HACD1: variants seen among roughly 807,000 people sequenced by gnomAD.
The protein encoded by HACD1 is 3-hydroxyacyl-CoA dehydratase 1, also known as very-long-chain (3R)-3-hydroxyacyl-CoA dehydratase 1.
A neutral mutation model predicts 32.0 loss-of-function variants in HACD1; 41 were observed. The ratio of observed to expected loss-of-function variants is 1.28; its 90% confidence interval spans 1.00 to 1.66. The LOEUF (loss-of-function observed/expected upper bound fraction) is 1.66, where lower values mean the gene tolerates loss of function less well. Ranked by LOEUF, HACD1 falls within the 40% of genes most tolerant of loss-of-function variation. The pLI is 0.00. For missense variants in HACD1, 396 were observed against 380.1 expected (o/e 1.04, Z -0.35); for synonymous variants, 142 against 139.0 (o/e 1.02, Z -0.15).
intron 1 of HACD1, chr10:17,615,537 A>G (rs1201023017): frequency 6.5e-6 from 1 of 154,558 alleles, no homozygotes; most frequent in African/African-American, 2.4e-5. Flanking sequence ...AACCCTGGAG[A>G]AAGTTTAAAA....
intron 1 of HACD1, among the ~76,000 whole-genome samples, chr10:17,611,377 T>C (rs1372044609): frequency 1.3e-5 from 2 of 152,202 alleles, no homozygotes; most frequent in Non-Finnish European, 1.5e-5. Context: ...TCCCCACTTA[T>C]GCCTACTTAA....
chr10:17,609,155 G>GTTTTTTTTTTTTTT lies in HACD1; in HGVS notation c.258-5122_258-5109dup, dbSNP rs56347429. 7.2e-4 allele frequency among the ~76,000 whole-genome samples: 95 copies of GTTTTTTTTTTTTTT among 132,112 alleles called. 2 individuals are homozygous for GTTTTTTTTTTTTTT. The highest frequency in any genetic ancestry group is 2.3e-3 in the African/African-American group (79 of 34,898). The allele number at this position is 132,112 out of a possible 152,430, so 86.7% of individuals were successfully genotyped here. ...ATTAAAGAAAAAAAATGTGCAAAAG[G>GTTTTTTTTTTTTTT]TTTTTTTTTTTTTTTTTGAGACAGA... is the stretch of plus-strand genomic sequence containing the variant. On this transcript the variant is annotated intron_variant, in intron 1 of 6. Coordinates refer to ENST00000361271, the MANE Select transcript of HACD1 (RefSeq NM_014241.4).
intron 4 of HACD1, among the ~76,000 whole-genome samples, chr10:17,599,752 T>C (rs552807505): frequency 1.3e-4 from 20 of 152,214 alleles, no homozygotes; most frequent in Non-Finnish European, 2.2e-4. Context: ...TGTTCTACTG[T>C]AGGACCAACG....
At chr10:17,590,574 A>G (rs1588981303) in intron 6 of HACD1, 128 bp from the exon 7 acceptor site, 1 of 598,404 alleles carries the variant, frequency 1.7e-6, no homozygotes, top group African/African-American at 1.9e-5. Context: ...CTGGATATTT[A>G]CAGAGCTCAA....
intron 5 of HACD1, among the ~76,000 whole-genome samples, chr10:17,595,195 C>A (rs939352459): frequency 6.6e-6 from 1 of 152,120 alleles, no homozygotes; most frequent in African/African-American, 2.4e-5. Context: ...ATGGTAACTT[C>A]TTTGGTGCAT....
intron 1 of HACD1, among the ~76,000 whole-genome samples, chr10:17,607,492 A>G (rs1834164699): frequency 6.6e-6 from 1 of 152,214 alleles, no homozygotes; most frequent in African/African-American, 2.4e-5. Context: ...AGATATTTTC[A>G]TTCACATTTT....
chr10:17,610,405 T>C (rs1834216059), intron 1 of HACD1, among the ~76,000 whole-genome samples: 2 of 152,216 alleles, frequency 1.3e-5, no homozygotes, highest in African/African-American at 2.4e-5. Flanking sequence ...TCCCAGGATT[T>C]TGGGAGGCCA....
chr10:17,598,976 C>G (rs1228494642), intron 5 of HACD1: 1 of 213,288 alleles, frequency 4.7e-6, no homozygotes, highest in Non-Finnish European at 8.9e-6. Flanking sequence ...TTTGGTACTG[C>G]TTATGTAAGC....
intron 6 of HACD1, among the ~76,000 whole-genome samples, chr10:17,593,190 G>C (rs1554815721): frequency 6.6e-6 from 1 of 152,070 alleles, no homozygotes; most frequent in Non-Finnish European, 1.5e-5. Context: ...ACAAAAAAAA[G>C]TTGGAGACCT....
chr10:17,607,244 A>G (rs1340610562), intron 1 of HACD1, among the ~76,000 whole-genome samples: 10 of 152,052 alleles, frequency 6.6e-5, no homozygotes, highest in Non-Finnish European at 1.3e-4. Flanking sequence ...AGTCTGTAAT[A>G]GAACCTCTGC....
In HACD1 at chr10:17,617,066, C is replaced by T. The variant is rs1270776146; in HGVS notation, c.257+17G>A. 12 of 1,466,622 alleles carry T rather than the reference C, an allele frequency of 8.2e-6. No homozygotes were observed. The East Asian group carries it at 2.4e-4, about 30-fold the overall frequency. The allele number at this position is 1,466,622 out of a possible 1,614,324, so 90.9% of individuals were successfully genotyped here. A position where few individuals can be genotyped will look rare whatever the true frequency, so the allele number is the denominator to read the frequency against. ...GCGGCGCGGGGAGGGCCCGAGGGTG[C>T]CCCGCGGCGCGCGTACCCCGCGGTC... On this transcript the variant is annotated intron_variant, in intron 1 of 6. Transcript: ENST00000361271.
intron 1 of HACD1, among the ~76,000 whole-genome samples, chr10:17,612,118 A>AC (rs1832992727): frequency 6.6e-6 from 1 of 151,770 alleles, no homozygotes; most frequent in African/African-American, 2.4e-5. Flanking sequence ...AAAAAAAAAA[A>AC]AAAAAAAAAA....
chr10:17,604,600 T>C (rs1410169778), intron 1 of HACD1, among the ~76,000 whole-genome samples: 6 of 152,140 alleles, frequency 3.9e-5, no homozygotes, highest in Admixed American at 2.0e-4. Flanking sequence ...CCTTATGCTA[T>C]GTGAAATAAG....
chr10:17,609,051 A>G (rs1409426420), intron 1 of HACD1, among the ~76,000 whole-genome samples: 2 of 152,122 alleles, frequency 1.3e-5, no homozygotes, highest in African/African-American at 2.4e-5. Flanking sequence ...ATATTTGCAA[A>G]TCACATATCT....
At chr10:17,610,157 G>C (rs546978584) in intron 1 of HACD1, among the ~76,000 whole-genome samples, 1 of 152,238 alleles carries the variant, frequency 6.6e-6, no homozygotes, top group South Asian at 2.1e-4. Flanking sequence ...GAGCCCAAAT[G>C]TCCATCAACA....
intron 1 of HACD1, among the ~76,000 whole-genome samples, chr10:17,607,079 A>G (rs1379350244): frequency 1.3e-5 from 2 of 152,194 alleles, no homozygotes; most frequent in African/African-American, 4.8e-5. Context: ...CATTATAAAT[A>G]TATTTTTAAA....
rs781846465 is a variant in HACD1, at chr10:17,599,310, T to C, written c.585A>G (p.Pro195=). The change falls in exon 5 of 7, where the codon CCA becomes CCG. Residue 195 remains proline (P), a synonymous_variant. Coordinates refer to ENST00000361271, the MANE Select transcript of HACD1 (RefSeq NM_014241.4). ...FYTFSLLDHL[P]YFIKWARYNF... Reference sequence around the variant, plus strand: ...GCCACCTGGCCCATTTAATGAAGTATGGCAAGTGGTCAAGAAGGCTGAATG... The same window carrying C: ...GCCACCTGGCCCATTTAATGAAGTACGGCAAGTGGTCAAGAAGGCTGAATG... 12 of 1,613,892 alleles carry C rather than the reference T, an allele frequency of 7.4e-6. No individual in the cohort carries two copies. In the African/African-American group the frequency reaches 1.1e-4, roughly 14 times the overall value.
rs1040977647 is a variant in HACD1 at position 17,603,811 on chromosome 10, T to C, written c.376-67A>G. The stretch of plus-strand genomic sequence containing the variant: ...AACATTAAATAAACCACTGTCAACA[T>C]TGGCATTCAGCAAATCCATAGGTGG... On this transcript the variant is annotated intron_variant, in intron 2 of 6. Transcript: ENST00000361271. The C allele has an allele frequency of 1.0e-4, 160 of 1,524,538 alleles. No individual in the cohort carries two copies. In the East Asian group the frequency reaches 3.1e-3, roughly 30 times the overall value. The allele number at this position is 1,524,538 out of a possible 1,614,324, so 94.4% of individuals were successfully genotyped here. A position where few individuals can be genotyped will look rare whatever the true frequency, so the allele number is the denominator to read the frequency against.
Position 17,603,914 on chromosome 10 carries a change from A to G in HACD1, c.375+16T>C. ...AATATTACAGCAATAGAAAAACAGC[A>G]TGATGGAAAACTTACCTCAAGCAAG... On this transcript the variant is annotated intron_variant, in intron 2 of 6. Transcript: ENST00000361271. 6.4e-7 allele frequency: 1 copy of G among 1,557,944 alleles called. No homozygotes were observed. The highest frequency in any genetic ancestry group is 8.8e-7 in the Non-Finnish European group (1 of 1,134,074).
Sources: allele counts gnomAD v4.1 joint callset (sites outside exome capture counted in the v4.1 genomes callset), GRCh38; gene constraint gnomAD v4.1.1; transcripts MANE v1.5; gene names NCBI Gene and HGNC (gene_info 2026-07-23, HGNC 2026-07-21).